Variants in CPNE7 observed in about 807,000 individuals in gnomAD.
CPNE7 encodes copine-7.
A neutral mutation model predicts 66.5 loss-of-function variants in CPNE7; 78 were observed. The ratio of observed to expected loss-of-function variants is 1.17; its 90% CI spans 0.98 to 1.42. CPNE7 has a LOEUF of 1.42. Ranked by LOEUF, CPNE7 falls within the 40% of genes most tolerant of loss-of-function variation. CPNE7 has a pLI of 0.00. For missense variants in CPNE7, 1,012 were observed against 776.6 expected (o/e 1.30, Z -3.60); for synonymous variants, 468 against 336.7 (o/e 1.39, Z -4.27).
At chr16:89,595,912 G>A (rs1036328958) in intron 14 of CPNE7, 6 of 560,106 alleles carry the variant, frequency 1.1e-5, no homozygotes, top group East Asian at 4.2e-5. Context: ...GGCGAGACAC[G>A]CACAGCACAC....
At chr16:89,587,627 A>G (rs2059076393) in intron 9 of CPNE7, 1 of 450,464 alleles carries the variant, frequency 2.2e-6, no homozygotes, top group Non-Finnish European at 4.5e-6. Flanking sequence ...GTGTCATCCA[A>G]GGAGCCCGGC....
At chr16:89,588,242 C>CACAGATACACGGCCCCCGTGTCACCT (rs2059114318) in intron 9 of CPNE7, among the ~76,000 whole-genome samples, 1 of 152,054 alleles carries the variant, frequency 6.6e-6, no homozygotes, top group Non-Finnish European at 1.5e-5. Context: ...CCGTGTCACC[C>CACAGATACACGGCCCCCGTGTCACCT]GCGTGTTATT....
At chr16:89,586,495 T>C (rs1184568527) in intron 7 of CPNE7, among the ~76,000 whole-genome samples, 175 bp from the exon 8 acceptor site, 1 of 151,768 alleles carries the variant, frequency 6.6e-6, no homozygotes, top group Non-Finnish European at 1.5e-5. Context: ...CCCATCCCTC[T>C]TCATTCCCGT....
chr16:89,579,602 TTCACCCATCACACGGAACATCCCA>T (rs1034388276), intron 2 of CPNE7, among the ~76,000 whole-genome samples: 3 of 131,584 alleles, frequency 2.3e-5, no homozygotes, highest in Admixed American at 7.6e-5. Context: ...AGAACATCCC[TTCACCCATCACACGGAACATCCCA>T]TCACCCATCA....
At position 89,596,975 on chromosome 16, in the gene CPNE7, G is replaced by C. The variant is rs2059266357; in HGVS notation, c.*354G>C. On this transcript the variant is annotated 3_prime_UTR_variant, in exon 15 of 15. Coordinates refer to ENST00000319518, the MANE Select transcript of CPNE7 (RefSeq NM_153636.3). ...CTGCTTTGCGTCTAACCTTTGTGGG[G>C]GAGGGCCAGCAAGGCAGTCCCCCCA... 1 of 190,014 alleles carries C rather than the reference G, an allele frequency of 5.3e-6. No homozygotes were observed. The highest frequency in any genetic ancestry group is 6.1e-5 in the Admixed American group (1 of 16,424). 11.8% of individuals were successfully genotyped at this position (190,014 alleles called of 1,614,324 possible). A position where few individuals can be genotyped will look rare whatever the true frequency, so the allele number is the denominator to read the frequency against.
chr16:89,585,032 G>GA, intron 5 of CPNE7, among the ~76,000 whole-genome samples, 175 bp downstream of exon 5: 1 of 152,186 alleles, frequency 6.6e-6, no homozygotes, highest in Non-Finnish European at 1.5e-5. Context: ...AGGGCCCTGG[G>GA]GGCCGTGGCT....
At chr16:89,596,052 G>C (rs144624000) in intron 14 of CPNE7, 15 of 448,710 alleles carry the variant, frequency 3.3e-5, no homozygotes, top group African/African-American at 2.0e-4. Context: ...ACAGCAAGAC[G>C]TGCATGCCAC....
intron 2 of CPNE7, among the ~76,000 whole-genome samples, chr16:89,580,501 A>G (rs77127674): frequency 2.6e-4 from 30 of 115,404 alleles, no homozygotes; most frequent in African/African-American, 5.0e-4. Context: ...CCGCTGACAC[A>G]GAACATCTCA....
In CPNE7 at chr16:89,591,636, A is replaced by G. The variant is rs572761532; in HGVS notation, c.1302+376A>G. On this transcript the variant is annotated intron_variant, in intron 13 of 14. Coordinates refer to ENST00000319518, the MANE Select transcript of CPNE7 (RefSeq NM_153636.3). ...GGTGCCGAGAACTGCACTGGATTCT[A>G]CTCTGCCACCGTGTGGCCCTGTATG... Among the ~76,000 whole-genome samples, 18 of 151,988 alleles carry G rather than the reference A, an allele frequency of 1.2e-4. No individual in the cohort carries two copies. The South Asian group carries it at 3.7e-3, about 32-fold the overall frequency.
At chr16:89,595,781 C>T (rs1344650498) in intron 14 of CPNE7, 178 bp downstream of exon 14, 2 of 712,744 alleles carry the variant, frequency 2.8e-6, no homozygotes, top group Non-Finnish European at 5.1e-6. Context: ...GGACTTTGAG[C>T]ACCTGAAACA....
chr16:89,581,374 C>T (rs370061), intron 2 of CPNE7, among the ~76,000 whole-genome samples: 10 of 152,378 alleles, frequency 6.6e-5, no homozygotes, highest in Middle Eastern at 3.4e-3. Flanking sequence ...CGGAACATCC[C>T]GTCACCCGCA....
intron 13 of CPNE7, among the ~76,000 whole-genome samples, chr16:89,592,304 G>A (rs371456712): frequency 2.0e-5 from 3 of 151,332 alleles, no homozygotes; most frequent in Admixed American, 6.6e-5. Context: ...GTGAGCCGCC[G>A]CGCCCGGCCC....
chr16:89,592,914 G>A (rs556548709), intron 13 of CPNE7, among the ~76,000 whole-genome samples: 2 of 142,536 alleles, frequency 1.4e-5, no homozygotes, highest in South Asian at 2.3e-4. Flanking sequence ...CCGGGTTCAC[G>A]CCATTCTCCT....
chr16:89,588,942 C>G, intron 10 of CPNE7, 134 bp downstream of exon 10: 2 of 1,059,320 alleles, frequency 1.9e-6, no homozygotes, highest in East Asian at 2.6e-5. Context: ...TTCCCTCACC[C>G]CCCTGGGCTC....
intron 13 of CPNE7, among the ~76,000 whole-genome samples, chr16:89,593,917 G>A (rs561276389): frequency 6.6e-6 from 1 of 152,272 alleles, no homozygotes; most frequent in Non-Finnish European, 1.5e-5. Context: ...GGTTTCATCT[G>A]TAAATGTCAG....
At chr16:89,586,641 T>G in intron 7 of CPNE7, 29 bp from the exon 8 acceptor site, 1 of 1,580,282 alleles carries the variant, frequency 6.3e-7, no homozygotes, top group Non-Finnish European at 8.7e-7. Context: ...GCCACCACTC[T>G]GGGGGGCCTC....
rs200220806 is a variant in CPNE7 at position 89,588,780 on chromosome 16, G to A, written c.1033G>A (p.Val345Met). 1.1e-4 allele frequency: 172 copies of A among 1,613,646 alleles called. 1 individual carries two copies. In the South Asian group the frequency reaches 1.1e-3, roughly 11 times the overall value. The change falls in exon 10 of 15, where the codon GTG (valine) becomes ATG (methionine). Residue 345 changes from valine to methionine, a missense_variant. Transcript: ENST00000319518. The part of the protein sequence containing the change: ...PNEYLKALVS[V>M]GEICQDYDSD... The stretch of plus-strand genomic sequence containing the variant: ...CGAGTACCTGAAGGCACTGGTGTCC[G>A]TGGGCGAGATCTGCCAGGACTATGA...
intron 2 of CPNE7, chr16:89,583,394 G>A (rs751047820): frequency 1.4e-5 from 21 of 1,522,744 alleles, no homozygotes; most frequent in Non-Finnish European, 1.4e-5. Context: ...GCTGGGCTGT[G>A]AGCTGCTTCC....
intron 13 of CPNE7, among the ~76,000 whole-genome samples, chr16:89,593,414 G>A (rs1027301377): frequency 3.3e-5 from 5 of 150,784 alleles, no homozygotes; most frequent in South Asian, 2.1e-4. Flanking sequence ...GTGCAGTGGC[G>A]CGATCTTGGT....
Sources: allele counts gnomAD v4.1 joint callset (sites outside exome capture counted in the v4.1 genomes callset), GRCh38; gene constraint gnomAD v4.1.1; transcripts MANE v1.5; gene names NCBI Gene and HGNC (gene_info 2026-07-23, HGNC 2026-07-21).